USP25: variants seen among roughly 807,000 people sequenced by gnomAD.
The protein encoded by USP25 is ubiquitin carboxyl-terminal hydrolase 25.
A neutral mutation model predicts 158.5 loss-of-function variants in USP25; 85 were observed. The ratio of observed to expected loss-of-function variants is 0.54; its 90% CI spans 0.45 to 0.64. USP25 has a LOEUF of 0.64. Ranked by LOEUF, USP25 falls within the 30% of genes least tolerant of loss-of-function variation. The pLI is 0.00. For missense variants in USP25, 1,242 were observed against 1,327.3 expected, an observed-to-expected ratio of 0.94 and a Z score of 1.00; for synonymous variants, 464 against 460.4, an observed-to-expected ratio of 1.01 and a Z score of -0.10.
At chr21:15,756,278 C>G (rs1301313212) in intron 1 of USP25, among the ~76,000 whole-genome samples, 1 of 152,114 alleles carries the variant, frequency 6.6e-6, no homozygotes, top group African/African-American at 2.4e-5. Flanking sequence ...CAGAGAAAAC[C>G]TCTCCCTGTG....
At chr21:15,810,335 C>T (rs1458965475) in intron 8 of USP25, among the ~76,000 whole-genome samples, 1 of 151,968 alleles carries the variant, frequency 6.6e-6, no homozygotes, top group Non-Finnish European at 1.5e-5. Flanking sequence ...CCCTCTCTCC[C>T]TTTTTAAACA....
At chr21:15,832,581 T>A (rs1475005786) in intron 16 of USP25, among the ~76,000 whole-genome samples, 1 of 152,206 alleles carries the variant, frequency 6.6e-6, no homozygotes. Flanking sequence ...GACAAACAAT[T>A]TTCATTTTAT....
At position 15,820,730 on chromosome 21, in the gene USP25, A is replaced by G. The variant is rs374452425; in HGVS notation, c.1080+1884A>G. 1.7e-3 allele frequency among the ~76,000 whole-genome samples: 266 copies of G among 152,102 alleles called. 3 individuals are homozygous for G. Among genetic ancestry groups the G allele is most frequent in the African/African-American group, 6.1e-3 (254 of 41,546 alleles). On this transcript the variant is annotated intron_variant, in intron 10 of 25. Transcript: ENST00000400183. ...TAAAAGCCAGTAAGTAACATTACAG[A>G]CTATTTCTAAATTGGCATAATCCCT...
chr21:15,821,061 ATTTTTTGATTG>A (rs1241800405), intron 10 of USP25, among the ~76,000 whole-genome samples: 1 of 151,958 alleles, frequency 6.6e-6, no homozygotes, highest in Non-Finnish European at 1.5e-5. Context: ...ACATGGAGAT[ATTTTTTGATTG>A]TCTGTTGGAG....
rs2038413074 is a variant in USP25 at position 15,843,028 on chromosome 21, T to G, written c.2337+488T>G. 6.6e-6 allele frequency among the ~76,000 whole-genome samples: 1 copy of G among 152,100 alleles called. No homozygotes were observed. Among genetic ancestry groups the G allele is most frequent in the South Asian group, 2.1e-4 (1 of 4,828 alleles). ...GTAGATTAGAGTATTATTAGAAGGA[T>G]AAGTAGGATGTTGCAAAACTGTTTG... is the stretch of plus-strand genomic sequence containing the variant. On this transcript the variant is annotated intron_variant, in intron 18 of 25. Transcript: ENST00000400183. This position sits in a 1 kb window ranked among gnomAD's most constrained non-coding sequence, Gnocchi z 4.0.
At chr21:15,758,045 T>C (rs1400468803) in intron 1 of USP25, among the ~76,000 whole-genome samples, 1 of 152,224 alleles carries the variant, frequency 6.6e-6, no homozygotes, top group African/African-American at 2.4e-5. Context: ...GAGACTCTGC[T>C]TCTAAGTTGA....
chr21:15,873,508 CT>C (rs370405278), intron 23 of USP25, among the ~76,000 whole-genome samples: 1,726 of 147,992 alleles, frequency 0.012, 32 homozygotes, highest in African/African-American at 0.037. Context: ...TCTATCACTT[CT>C]TTTTTTTTTG....
intron 1 of USP25, among the ~76,000 whole-genome samples, chr21:15,758,747 C>T (rs770382375): frequency 5.9e-5 from 9 of 152,212 alleles, no homozygotes; most frequent in Non-Finnish European, 8.8e-5. Context: ...AGCAACGGTG[C>T]ATCTTACATG....
At chr21:15,769,418 AT>A (rs554398723) in intron 3 of USP25, among the ~76,000 whole-genome samples, 64 of 152,234 alleles carry the variant, frequency 4.2e-4, no homozygotes, top group African/African-American at 1.4e-3. Context: ...AGCCCAAATC[AT>A]TTGTACTATA....
At chr21:15,825,717 C>G (rs1176014090) in intron 12 of USP25, among the ~76,000 whole-genome samples, 1 of 152,164 alleles carries the variant, frequency 6.6e-6, no homozygotes, top group Non-Finnish European at 1.5e-5. Context: ...CTGCATTCCC[C>G]TATTTTAGGA....
intron 5 of USP25, among the ~76,000 whole-genome samples, chr21:15,792,612 A>G (rs2035650658): frequency 6.6e-6 from 1 of 151,592 alleles, no homozygotes; most frequent in Non-Finnish European, 1.5e-5. Context: ...CTTTCATATG[A>G]TATTAAGGCA....
intron 1 of USP25, among the ~76,000 whole-genome samples, chr21:15,741,244 T>C (rs1397989624): frequency 6.6e-6 from 1 of 152,072 alleles, no homozygotes; most frequent in Non-Finnish European, 1.5e-5. Flanking sequence ...AGTAATATTA[T>C]ATAAATATTC....
rs1427007989 is a variant in USP25, at chr21:15,875,054, C to G, written c.3009+528C>G. On this transcript the variant is annotated intron_variant, in intron 24 of 25. Coordinates refer to ENST00000400183, the MANE Select transcript of USP25 (RefSeq NM_001283041.3). The surrounding 1 kb of genome is among the most constrained non-coding windows in gnomAD (Gnocchi z 4.7). ...GGATATGGTGGTGTGCGCCTGTAGT[C>G]TCAACTACTCAGGAGGCTGAGGCAG... is the stretch of plus-strand genomic sequence containing the variant. Among the ~76,000 whole-genome samples the G allele has an allele frequency of 6.6e-6, 1 of 152,106 alleles. No individual in the cohort carries two copies. The highest frequency in any genetic ancestry group is 1.9e-4 in the East Asian group (1 of 5,178).
intron 2 of USP25, 132 bp downstream of exon 2, chr21:15,763,100 A>T (rs2033832023): frequency 1.3e-6 from 1 of 765,476 alleles, no homozygotes; most frequent in Non-Finnish European, 1.9e-6. Flanking sequence ...GGACTTTGTA[A>T]AGTAAAATCC....
intron 1 of USP25, among the ~76,000 whole-genome samples, chr21:15,739,022 C>T (rs999531182): frequency 3.9e-5 from 6 of 152,130 alleles, no homozygotes; most frequent in Admixed American, 6.5e-5. Flanking sequence ...TTGCTCACCC[C>T]GGGAGCTCGG....
chr21:15,860,878 T>C (rs941073649), intron 20 of USP25, among the ~76,000 whole-genome samples: 3 of 151,520 alleles, frequency 2.0e-5, no homozygotes, highest in Non-Finnish European at 4.4e-5. Context: ...TCCCATTAGA[T>C]TTAACTGCCT....
chr21:15,875,391 G>A lies in USP25; in HGVS notation c.3009+865G>A, dbSNP rs1486250598. On this transcript the variant is annotated intron_variant, in intron 24 of 25. Coordinates refer to ENST00000400183, the MANE Select transcript of USP25 (RefSeq NM_001283041.3). The surrounding 1 kb of genome is among the most constrained non-coding windows in gnomAD (Gnocchi z 4.7). ...TGGTTATTTGTTTTACATAGGAATT[G>A]AAATGAAACCTCGTCAAGATTACTT... is the stretch of plus-strand genomic sequence containing the variant. Among the ~76,000 whole-genome samples, 2 of 152,104 alleles carry A rather than the reference G, an allele frequency of 1.3e-5. No individual in the cohort carries two copies. The highest frequency in any genetic ancestry group is 6.5e-5 in the Admixed American group (1 of 15,268).
chr21:15,830,656 A>G (rs1328878370), intron 15 of USP25, 55 bp downstream of exon 15: 55 of 1,360,586 alleles, frequency 4.0e-5, no homozygotes, highest in Non-Finnish European at 3.0e-6. Context: ...ATATATTTTA[A>G]TTTACCTTTA....
rs563259263 is a variant in USP25, at chr21:15,858,720, G to C, written c.2548-5548G>C. Among the ~76,000 whole-genome samples the C allele has an allele frequency of 7.9e-5, 12 of 151,952 alleles. No homozygotes were observed. In the South Asian group the frequency reaches 8.3e-4, roughly 11 times the overall value. On this transcript the variant is annotated intron_variant, in intron 20 of 25. Transcript: ENST00000400183. ...TGAAATAATGGTAGTAGGTGCCTTTGTCTAGTTTCTGATTTTAATGTCTCC... is the reference window on the plus strand; with the variant it reads ...TGAAATAATGGTAGTAGGTGCCTTTCTCTAGTTTCTGATTTTAATGTCTCC...
Sources: allele counts gnomAD v4.1 joint callset (sites outside exome capture counted in the v4.1 genomes callset), GRCh38; gene constraint gnomAD v4.1.1; non-coding constraint Gnocchi (gnomAD v3.1); transcripts MANE v1.5; gene names NCBI Gene and HGNC (gene_info 2026-07-23, HGNC 2026-07-21).